The following DNAJC10 variants were observed in gnomAD, a reference collection of about 807,000 sequenced individuals.
The protein encoded by DNAJC10 is DnaJ heat shock protein family (Hsp40) member C10, also known as endoplasmic reticulum disulfide reductase DNAJC10.
Under a neutral mutation model 115.0 loss-of-function variants are expected in DNAJC10, and 101 were observed. The ratio of observed to expected loss-of-function variants is 0.88; its 90% CI spans 0.75 to 1.04. DNAJC10 has a LOEUF of 1.04. DNAJC10 is among the 50% of genes least tolerant of loss of function. The pLI is 0.00. For synonymous variants in DNAJC10, 307 were observed against 301.5 expected, an observed-to-expected ratio of 1.02 and a Z score of -0.19; for missense variants, 981 against 928.8, an observed-to-expected ratio of 1.06 and a Z score of -0.73.
chr2:182,779,137 G>GAATC lies in DNAJC10; in HGVS notation c.*2007_*2010dup, dbSNP rs1694781885. ...ATTTGACCTAAGCTGTGTGCCTTTG[G>GAATC]AATCAGCTCTAAGCCAGGGCCCCCT... On this transcript the variant is annotated 3_prime_UTR_variant, in exon 24 of 24. Coordinates refer to ENST00000264065, the MANE Select transcript of DNAJC10 (RefSeq NM_018981.4). 6.6e-6 allele frequency: 1 copy of GAATC among 152,104 alleles called. No homozygotes were observed. The highest frequency in any genetic ancestry group is 2.1e-4 in the South Asian group (1 of 4,828). 9.4% of individuals were successfully genotyped at this position (152,104 alleles called of 1,614,324 possible). A position where few individuals can be genotyped will look rare whatever the true frequency, so the allele number is the denominator to read the frequency against.
In DNAJC10 at chr2:182,781,192, C is replaced by CGGG. The variant is rs1694837816; in HGVS notation, c.*4060_*4061insGGG. On this transcript the variant is annotated 3_prime_UTR_variant, in exon 24 of 24. Coordinates refer to ENST00000264065, the MANE Select transcript of DNAJC10 (RefSeq NM_018981.4). ...TCCATATGTTCTCATTGTTCAACTC[C>CGGG]CACTTACGAGTGACAACATGTGGTG... 1 of 152,078 alleles carries CGGG rather than the reference C, an allele frequency of 6.6e-6. No individual in the cohort carries two copies. Among genetic ancestry groups the CGGG allele is most frequent in the African/African-American group, 2.4e-5 (1 of 41,402 alleles). The allele number at this position is 152,078 out of a possible 1,614,324, so 9.4% of individuals were successfully genotyped here.
At chr2:182,762,618 C>T (rs1012618985) in intron 21 of DNAJC10, 64 bp from the exon 22 acceptor site, 57 of 1,549,498 alleles carry the variant, frequency 3.7e-5, no homozygotes, top group Non-Finnish European at 4.7e-5. Context: ...TATCCTATTG[C>T]TTTGTTGTTG....
At chr2:182,765,651 A>G (rs966393129) in intron 22 of DNAJC10, among the ~76,000 whole-genome samples, 4 of 152,154 alleles carry the variant, frequency 2.6e-5, no homozygotes, top group African/African-American at 9.7e-5. Flanking sequence ...CCAAGTCATC[A>G]CCTTCATTGT....
At chr2:182,727,105 G>A (rs1693307634) in intron 5 of DNAJC10, among the ~76,000 whole-genome samples, 1 of 150,502 alleles carries the variant, frequency 6.6e-6, no homozygotes. Flanking sequence ...TGTATATAGT[G>A]TAAATATAAC....
At chr2:182,758,937 ATT>A in intron 20 of DNAJC10, 47 bp downstream of exon 20, 1 of 1,379,454 alleles carries the variant, frequency 7.2e-7, no homozygotes, top group Non-Finnish European at 1.0e-6. Context: ...ATTCAAAGCC[ATT>A]TACCCCCCTT....
intron 14 of DNAJC10, among the ~76,000 whole-genome samples, chr2:182,749,071 TC>T (rs1354907402): frequency 3.3e-5 from 5 of 152,286 alleles, no homozygotes; most frequent in South Asian, 2.1e-4. Flanking sequence ...GAGCTTTACT[TC>T]CAAGGGTGTG....
rs1694317566 is a variant in DNAJC10 at position 182,762,776 on chromosome 2, A to C, written c.2240A>C (p.Lys747Thr). 6.2e-7 allele frequency: 1 copy of C among 1,612,438 alleles called. No individual in the cohort carries two copies. Among genetic ancestry groups the C allele is most frequent in the African/African-American group, 1.3e-5 (1 of 74,860 alleles). The change falls in exon 22 of 24, where the codon AAA becomes ACA. Residue 747 changes from lysine to threonine, a missense_variant. Coordinates refer to ENST00000264065, the MANE Select transcript of DNAJC10 (RefSeq NM_018981.4). ...KAGIRAYPTVKFYFYERAKRN... is the reference protein window; with the variant it reads ...KAGIRAYPTVTFYFYERAKRN... ...GGGATCAGGGCCTATCCAACTGTTA[A>C]ATTTTATTTCTACGAAAGAGCAAAG...
At position 182,785,614 on chromosome 2, in the gene DNAJC10, G is replaced by A. The variant is rs926219324; in HGVS notation, c.*8482G>A. On this transcript the variant is annotated 3_prime_UTR_variant, in exon 24 of 24. Coordinates refer to ENST00000264065, the MANE Select transcript of DNAJC10 (RefSeq NM_018981.4). The stretch of plus-strand genomic sequence containing the variant: ...AAGAATCGGGAATGTGGGAAATTTT[G>A]TAGGACAAATGGTATGATTTCTTTA... 4.6e-5 allele frequency: 7 copies of A among 152,186 alleles called. No homozygotes were observed. Among genetic ancestry groups the A allele is most frequent in the South Asian group, 2.1e-4 (1 of 4,826 alleles). The allele number at this position is 152,186 out of a possible 1,614,324, so 9.4% of individuals were successfully genotyped here. A position where few individuals can be genotyped will look rare whatever the true frequency, so the allele number is the denominator to read the frequency against.
Position 182,762,681 on chromosome 2 carries a change from G to T in DNAJC10, c.2146-1G>T. ...TGGCAAACTGTATTTTTCTTTTTCAGATGATTAAAGGAAAAGTGAAAGCTG... is the reference window on the plus strand; with the variant it reads ...TGGCAAACTGTATTTTTCTTTTTCATATGATTAAAGGAAAAGTGAAAGCTG... On this transcript the variant is annotated splice_acceptor_variant, in intron 21 of 23. Transcript: ENST00000264065. LOFTEE classifies it high-confidence loss of function. 1 of 1,611,486 alleles carries T rather than the reference G, an allele frequency of 6.2e-7. No individual in the cohort carries two copies. Among genetic ancestry groups the T allele is most frequent in the East Asian group, 2.2e-5 (1 of 44,766 alleles).
chr2:182,773,305 G>A (rs1397144125), intron 22 of DNAJC10, among the ~76,000 whole-genome samples: 1 of 152,090 alleles, frequency 6.6e-6, no homozygotes, highest in African/African-American at 2.4e-5. Flanking sequence ...TGACAATTAT[G>A]TGTCTTGGGG....
rs1292887581 is a variant in DNAJC10, at chr2:182,782,215, A to G, written c.*5083A>G. The G allele has an allele frequency of 1.3e-5, 2 of 152,126 alleles. No individual in the cohort carries two copies. Among genetic ancestry groups the G allele is most frequent in the African/African-American group, 4.8e-5 (2 of 41,406 alleles). The allele number at this position is 152,126 out of a possible 1,614,324, so 9.4% of individuals were successfully genotyped here. On this transcript the variant is annotated 3_prime_UTR_variant, in exon 24 of 24. Coordinates refer to ENST00000264065, the MANE Select transcript of DNAJC10 (RefSeq NM_018981.4). ...TTATTAAATAGGGAATCCTTTCCCC[A>G]TTGCTTGTTTTTGTCAGGTTTGTCA...
intron 21 of DNAJC10, 96 bp from the exon 22 acceptor site, chr2:182,762,586 T>G: frequency 7.8e-7 from 1 of 1,285,988 alleles, no homozygotes; most frequent in Non-Finnish European, 1.1e-6. Context: ...TTTAAATAAA[T>G]TCTTAGATTC....
chr2:182,730,999 C>G, intron 8 of DNAJC10, 31 bp from the exon 9 acceptor site: 1 of 1,505,686 alleles, frequency 6.6e-7, no homozygotes. Context: ...AATAGGTGAT[C>G]AGAATTTGCT....
Position 182,757,766 on chromosome 2 carries a change from T to A in DNAJC10, c.1884T>A (p.Val628=). 1 of 1,593,224 alleles carries A rather than the reference T, an allele frequency of 6.3e-7. No homozygotes were observed. The highest frequency in any genetic ancestry group is 1.1e-5 in the South Asian group (1 of 89,368). ...QYHSFCAQEN[V]QRYPEIRFFP... ...ATTCTTTTTGTGCCCAGGAAAACGT[T>A]CAAAGATACCCTGAGATAAGATTTT... The change falls in exon 19 of 24, where the codon GTT becomes GTA. Residue 628 remains valine, a synonymous_variant. Transcript: ENST00000264065.
chr2:182,737,302 ATCTCCCT>A (rs1693609110), intron 11 of DNAJC10, among the ~76,000 whole-genome samples: 1 of 152,190 alleles, frequency 6.6e-6, no homozygotes, highest in African/African-American at 2.4e-5. Context: ...GATAAGACAA[ATCTCCCT>A]TAGTTTTCCC....
rs1695049634 is a variant in DNAJC10, at chr2:182,791,613, T to C, written c.*14481T>C. The C allele has an allele frequency of 6.6e-6, 1 of 152,174 alleles. No homozygotes were observed. The highest frequency in any genetic ancestry group is 6.5e-5 in the Admixed American group (1 of 15,276). 9.4% of individuals were successfully genotyped at this position (152,174 alleles called of 1,614,324 possible). Reference sequence around the variant, plus strand: ...TTCAAACTGGCCTCTGTGAACTCTTTCTTGACAAGTGAAACCTGGCTCCAA... The same window carrying C: ...TTCAAACTGGCCTCTGTGAACTCTTCCTTGACAAGTGAAACCTGGCTCCAA... On this transcript the variant is annotated 3_prime_UTR_variant, in exon 24 of 24. Coordinates refer to ENST00000264065, the MANE Select transcript of DNAJC10 (RefSeq NM_018981.4).
intron 22 of DNAJC10, among the ~76,000 whole-genome samples, chr2:182,771,828 G>T (rs1166097516): frequency 6.6e-6 from 1 of 151,922 alleles, no homozygotes; most frequent in Non-Finnish European, 1.5e-5. Context: ...TTTCAGTTCT[G>T]CTCTGATCTT....
chr2:182,755,211 C>T (rs901334082), intron 17 of DNAJC10, 107 bp downstream of exon 17: 6 of 685,476 alleles, frequency 8.8e-6, no homozygotes, highest in East Asian at 5.5e-5. Context: ...CATGCCCAAA[C>T]TATTTTCTTA....
At chr2:182,764,886 A>G (rs1694371059) in intron 22 of DNAJC10, among the ~76,000 whole-genome samples, 2 of 152,298 alleles carry the variant, frequency 1.3e-5, no homozygotes, top group East Asian at 3.9e-4. Context: ...ACCAGATGAT[A>G]GAACTATTGG....
Sources: gnomAD v4.1 joint callset for allele counts (sites outside exome capture counted in the v4.1 genomes callset) on GRCh38, gnomAD v4.1.1 for gene constraint, MANE v1.5 for transcripts, NCBI Gene and HGNC (gene_info 2026-07-23, HGNC 2026-07-21) for gene names.